HEPHL1: variants seen among roughly 807,000 people sequenced by gnomAD.
The protein encoded by HEPHL1 is ferroxidase HEPHL1.
Under a neutral mutation model 122.0 loss-of-function variants are expected in HEPHL1, and 123 were observed. That is an observed-to-expected ratio of 1.01 (90% CI 0.87 to 1.17). The LOEUF (loss-of-function observed/expected upper bound fraction) is 1.17, where lower values mean the gene tolerates loss of function less well. Ranked by LOEUF, HEPHL1 falls within the 50% of genes most tolerant of loss-of-function variation. HEPHL1 has a pLI of 0.00. For synonymous variants in HEPHL1, 527 were observed against 508.9 expected (o/e 1.04, Z -0.48); for missense variants, 1,452 against 1,430.5 (o/e 1.01, Z -0.24).
chr11:94,092,428 C>T (rs562777151), intron 12 of HEPHL1, among the ~76,000 whole-genome samples: 5 of 152,278 alleles, frequency 3.3e-5, no homozygotes, highest in East Asian at 1.9e-4. Context: ...AAAAAATTTA[C>T]GTTGCTTGAT....
Position 94,067,497 on chromosome 11 carries a change from C to T in HEPHL1, c.810C>T (p.Ala270=), listed in dbSNP as rs769448043. The T allele has an allele frequency of 1.6e-5, 25 of 1,612,854 alleles. No homozygotes were observed. In the Admixed American group the frequency reaches 4.0e-4, roughly 26 times the overall value. The change falls in exon 5 of 20, where the codon GCC becomes GCT. Residue 270 remains alanine, a splice_region_variant and synonymous_variant. Transcript: ENST00000315765. ...AVFQRSNKMH[A]LNGYLFGNFP... ...CCACTAGCGTGTTTCTGTTTCCAGCCCTCAATGGATACCTCTTCGGAAACT... is the reference window on the plus strand; with the variant it reads ...CCACTAGCGTGTTTCTGTTTCCAGCTCTCAATGGATACCTCTTCGGAAACT...
chr11:94,050,190 T>A (rs2134418533), intron 2 of HEPHL1, among the ~76,000 whole-genome samples: 1 of 152,306 alleles, frequency 6.6e-6, no homozygotes, highest in African/African-American at 2.4e-5. Context: ...ATGTTGAAGT[T>A]ATATTCTACT....
At chr11:94,073,998 G>T (rs928516507) in intron 8 of HEPHL1, among the ~76,000 whole-genome samples, 1 of 152,144 alleles carries the variant, frequency 6.6e-6, no homozygotes, top group African/African-American at 2.4e-5. Context: ...GGTAGCTGTT[G>T]CCCAGTGGCT....
At chr11:94,069,612 A>G (rs1222076431) in intron 5 of HEPHL1, among the ~76,000 whole-genome samples, 1 of 152,198 alleles carries the variant, frequency 6.6e-6, no homozygotes, top group Non-Finnish European at 1.5e-5. Flanking sequence ...ACACATTTTC[A>G]TGTCGGTGAA....
intron 13 of HEPHL1, among the ~76,000 whole-genome samples, chr11:94,099,853 C>A (rs549867704): frequency 6.6e-5 from 10 of 152,316 alleles, no homozygotes; most frequent in African/African-American, 2.4e-4. Context: ...TTTGCTAAGA[C>A]CATTGGAAAA....
chr11:94,091,614 A>C (rs1177409013), intron 12 of HEPHL1, among the ~76,000 whole-genome samples: 8 of 152,210 alleles, frequency 5.3e-5, no homozygotes, highest in Admixed American at 5.2e-4. Flanking sequence ...TTCCTGGTCC[A>C]TGGTAAGACT....
At chr11:94,055,247 G>T in intron 2 of HEPHL1, 3 of 268,752 alleles carry the variant, frequency 1.1e-5, no homozygotes, top group East Asian at 9.9e-5. Flanking sequence ...TTTCCACCAT[G>T]AATCTGGCCC....
chr11:94,103,562 T>C (rs950411272), intron 15 of HEPHL1, among the ~76,000 whole-genome samples: 2 of 152,134 alleles, frequency 1.3e-5, no homozygotes, highest in African/African-American at 4.8e-5. Context: ...AACTACAAAA[T>C]TGTTTGAATG....
intron 1 of HEPHL1, among the ~76,000 whole-genome samples, chr11:94,044,001 C>G (rs1488474024): frequency 2.0e-5 from 3 of 151,826 alleles, no homozygotes; most frequent in African/African-American, 4.8e-5. Context: ...TAAGATGTGG[C>G]CTCTTACCCC....
intron 2 of HEPHL1, among the ~76,000 whole-genome samples, chr11:94,054,222 C>G (rs1174353933): frequency 6.6e-6 from 1 of 152,196 alleles, no homozygotes; most frequent in East Asian, 1.9e-4. Flanking sequence ...ATGTACACAT[C>G]TTTGGCAGGC....
intron 2 of HEPHL1, among the ~76,000 whole-genome samples, chr11:94,049,250 A>G (rs1345677313): frequency 1.3e-5 from 2 of 152,154 alleles, no homozygotes; most frequent in African/African-American, 4.8e-5. Context: ...GGAAATGCAA[A>G]TCAGAACTAC....
chr11:94,039,384 A>T (rs1945754217), intron 1 of HEPHL1, among the ~76,000 whole-genome samples: 3 of 152,206 alleles, frequency 2.0e-5, no homozygotes, highest in African/African-American at 7.2e-5. Flanking sequence ...ATTGACATCT[A>T]CAGAACTCTC....
In HEPHL1 at chr11:94,037,347, T is replaced by C. The variant is rs867433002; in HGVS notation, c.171-8326T>C. Among the ~76,000 whole-genome samples the C allele has an allele frequency of 2.4e-3, 365 of 149,188 alleles. 12 individuals carry two copies. The highest frequency in any genetic ancestry group is 8.7e-3 in the African/African-American group (336 of 38,700). ...AGGTAAACAAAGCAGCCAGAAAGCT[T>C]GAACTGGGTGGAGCCCACCACAGCT... On this transcript the variant is annotated intron_variant, in intron 1 of 19. Coordinates refer to ENST00000315765, the MANE Select transcript of HEPHL1 (RefSeq NM_001098672.2).
intron 1 of HEPHL1, among the ~76,000 whole-genome samples, chr11:94,026,075 G>T (rs2134401748): frequency 6.6e-6 from 1 of 152,296 alleles, no homozygotes; most frequent in East Asian, 1.9e-4. Flanking sequence ...GATATCAGGG[G>T]CTTTCTGTAT....
chr11:94,098,991 C>G (rs188421684), intron 13 of HEPHL1, among the ~76,000 whole-genome samples: 1 of 152,212 alleles, frequency 6.6e-6, no homozygotes, highest in East Asian at 1.9e-4. Context: ...GTCTGATCGT[C>G]TGAAGCCTTC....
chr11:94,052,341 G>A (rs1411744226), intron 2 of HEPHL1, among the ~76,000 whole-genome samples: 1 of 151,736 alleles, frequency 6.6e-6, no homozygotes, highest in South Asian at 2.1e-4. Flanking sequence ...CATTTCCTTA[G>A]TTACGTTAAC....
At chr11:94,097,335 G>A (rs992186143) in intron 13 of HEPHL1, among the ~76,000 whole-genome samples, 13 of 152,208 alleles carry the variant, frequency 8.5e-5, no homozygotes, top group African/African-American at 1.4e-4. Context: ...TTTTGAGTGA[G>A]TTCCTTAATC....
rs191318613 is a variant in HEPHL1, at chr11:94,021,550, T to G, written c.170+12T>G. 6.3e-7 allele frequency: 1 copy of G among 1,587,220 alleles called. No individual in the cohort carries two copies. Among genetic ancestry groups the G allele is most frequent in the Non-Finnish European group, 8.6e-7 (1 of 1,165,162 alleles). On this transcript the variant is annotated intron_variant, in intron 1 of 19. Transcript: ENST00000315765. ...TTCACAGAAGACAAGTGAGTGAACT[T>G]AGGGTCCTCATTGACTCCCAGGTTT...
intron 4 of HEPHL1, among the ~76,000 whole-genome samples, chr11:94,067,093 C>T (rs1029875241): frequency 1.3e-5 from 2 of 152,062 alleles, no homozygotes; most frequent in African/African-American, 4.8e-5. Context: ...TTAAGATGAA[C>T]AAGACAGGGT....
Sources: allele counts gnomAD v4.1 joint callset (sites outside exome capture counted in the v4.1 genomes callset), GRCh38; gene constraint gnomAD v4.1.1; transcripts MANE v1.5; gene names NCBI Gene and HGNC (gene_info 2026-07-23, HGNC 2026-07-21).